The following AKAP19 variants were observed in gnomAD, a reference collection of about 807,000 sequenced individuals.
AKAP19 encodes small A-kinase anchoring protein.
chr2:189,880,751 T>A, the AKAP19 span, among the ~76,000 whole-genome samples: 42 of 152,246 alleles, frequency 2.8e-4, no homozygotes, highest in Admixed American at 2.7e-3. Context: ...TGTTTCACAC[T>A]CTTTACAGTA....
At chr2:190,064,399 A>C in the AKAP19 span, among the ~76,000 whole-genome samples, 1 of 149,958 alleles carries the variant, frequency 6.7e-6, no homozygotes, top group Admixed American at 6.6e-5. Context: ...TACAGTTCCA[A>C]GTAAGTCAAA....
chr2:189,963,290 G>A, the AKAP19 span, among the ~76,000 whole-genome samples: 1 of 150,060 alleles, frequency 6.7e-6, no homozygotes, highest in African/African-American at 2.5e-5. Flanking sequence ...CACCTCCCAG[G>A]TTCACACCAT....
chr2:190,189,359 C>T, the AKAP19 span, among the ~76,000 whole-genome samples: 1 of 152,140 alleles, frequency 6.6e-6, no homozygotes, highest in Non-Finnish European at 1.5e-5. Flanking sequence ...AGTGACAGCT[C>T]CATTCTTATT....
chr2:189,890,739 A>G, the AKAP19 span, among the ~76,000 whole-genome samples: 1 of 152,258 alleles, frequency 6.6e-6, no homozygotes, highest in African/African-American at 2.4e-5. Flanking sequence ...CTAGGATGGC[A>G]ACCCCTGCCT....
At chr2:189,909,230 C>A in the AKAP19 span, among the ~76,000 whole-genome samples, 1 of 151,170 alleles carries the variant, frequency 6.6e-6, no homozygotes, top group Non-Finnish European at 1.5e-5. Context: ...TTTTTCTTTG[C>A]TTTTAGTCTG....
the AKAP19 span, chr2:189,930,967 AG>A: frequency 1.2e-6 from 1 of 841,398 alleles, no homozygotes; most frequent in Non-Finnish European, 2.0e-6. Context: ...CTCCTGAAGC[AG>A]GGAGATGTCA....
chr2:189,971,511 G>T, the AKAP19 span, among the ~76,000 whole-genome samples: 2 of 152,106 alleles, frequency 1.3e-5, no homozygotes, highest in Non-Finnish European at 2.9e-5. Context: ...TAATGGAATG[G>T]CTGGGTCAAA....
the AKAP19 span, chr2:189,923,768 C>T: frequency 3.7e-6 from 6 of 1,613,348 alleles, no homozygotes; most frequent in South Asian, 2.2e-5. Context: ...GCCCTCGAAA[C>T]GTCAGCGTGT....
chr2:189,917,785 A>G, the AKAP19 span: 2 of 169,216 alleles, frequency 1.2e-5, no homozygotes, highest in Non-Finnish European at 2.5e-5. Context: ...TGTGTTTTTT[A>G]ATTGATGGAG....
the AKAP19 span, among the ~76,000 whole-genome samples, chr2:189,980,940 G>A: frequency 6.6e-6 from 1 of 152,172 alleles, no homozygotes; most frequent in Admixed American, 6.5e-5. Context: ...TTATGACAGA[G>A]CATGTGGTCA....
the AKAP19 span, among the ~76,000 whole-genome samples, chr2:189,998,651 C>G: frequency 6.6e-6 from 1 of 151,276 alleles, no homozygotes; most frequent in African/African-American, 2.4e-5. Flanking sequence ...TTTGATCAGT[C>G]TAGATGAAGT....
chr2:190,014,488 CCCT>C, the AKAP19 span, among the ~76,000 whole-genome samples: 1 of 152,196 alleles, frequency 6.6e-6, no homozygotes, highest in Non-Finnish European at 1.5e-5. Context: ...CCATGTCCCT[CCCT>C]CAACATGTGG....
chr2:190,101,006 T>C, the AKAP19 span, among the ~76,000 whole-genome samples: 6 of 152,170 alleles, frequency 3.9e-5, no homozygotes, highest in Admixed American at 3.9e-4. Flanking sequence ...TGGAGCTAAC[T>C]TGGGGAGAGG....
At chr2:190,038,000 G>T in the AKAP19 span, among the ~76,000 whole-genome samples, 1 of 152,120 alleles carries the variant, frequency 6.6e-6, no homozygotes, top group Admixed American at 6.5e-5. Flanking sequence ...GATAAATTTG[G>T]AGCAGAGAAG....
At chr2:190,035,207 G>A in the AKAP19 span, among the ~76,000 whole-genome samples, 7 of 152,088 alleles carry the variant, frequency 4.6e-5, no homozygotes, top group East Asian at 1.9e-4. Context: ...TTGGGAGGCC[G>A]AGGCAGACAG....
At chr2:189,976,786 A>G in the AKAP19 span, among the ~76,000 whole-genome samples, 1 of 152,230 alleles carries the variant, frequency 6.6e-6, no homozygotes, top group Non-Finnish European at 1.5e-5. Flanking sequence ...CAGGTGCGGA[A>G]TATAATCTCC....
At chr2:190,120,051 C>T in the AKAP19 span, among the ~76,000 whole-genome samples, 2 of 152,082 alleles carry the variant, frequency 1.3e-5, no homozygotes, top group Admixed American at 6.5e-5. Context: ...GTCCCCAACC[C>T]GAGGGCCGCG....
chr2:189,924,886 AT>A, the AKAP19 span, among the ~76,000 whole-genome samples: 1 of 151,060 alleles, frequency 6.6e-6, no homozygotes, highest in Non-Finnish European at 1.5e-5. Flanking sequence ...AGGGGAAAAA[AT>A]AAATAAATAA....
chr2:190,105,332 A>G, the AKAP19 span, among the ~76,000 whole-genome samples: 1 of 152,186 alleles, frequency 6.6e-6, no homozygotes, highest in African/African-American at 2.4e-5. Flanking sequence ...TTTGAGTAAT[A>G]AGTTGTATGA....
Sources: gnomAD v4.1 joint callset for allele counts (sites outside exome capture counted in the v4.1 genomes callset) on GRCh38, gnomAD v4.1.1 for gene constraint, MANE v1.5 for transcripts, NCBI Gene and HGNC (gene_info 2026-07-23, HGNC 2026-07-21) for gene names.